SGCZ: variants seen among roughly 807,000 people sequenced by gnomAD.
SGCZ encodes the protein zeta-sarcoglycan.
A neutral mutation model predicts 41.3 loss-of-function variants in SGCZ; 40 were observed. The ratio of observed to expected loss-of-function variants is 0.97; its 90% CI spans 0.75 to 1.26. The LOEUF is 1.26. SGCZ is among the 50% of genes most tolerant of loss of function. SGCZ has a pLI of 0.00. For synonymous variants in SGCZ, 206 were observed against 137.5 expected (o/e 1.50, Z -3.49); for missense variants, 552 against 369.8 (o/e 1.49, Z -4.04).
chr8:14,812,099 A>C (rs1585282603), intron 1 of SGCZ, among the ~76,000 whole-genome samples: 1 of 152,028 alleles, frequency 6.6e-6, no homozygotes, highest in Non-Finnish European at 1.5e-5. Context: ...CAACTGAAAC[A>C]GTACAAATTT....
intron 1 of SGCZ, among the ~76,000 whole-genome samples, chr8:14,790,924 G>C (rs759568238): frequency 2.8e-4 from 42 of 151,522 alleles, no homozygotes; most frequent in Non-Finnish European, 5.4e-4. Flanking sequence ...CTACCCACTC[G>C]AGTGGTTAAG....
At chr8:14,317,663 C>A (rs1050381580) in intron 3 of SGCZ, among the ~76,000 whole-genome samples, 1 of 151,636 alleles carries the variant, frequency 6.6e-6, no homozygotes, top group Non-Finnish European at 1.5e-5. Flanking sequence ...CTGAACAACA[C>A]GAAAGAGGTT....
rs1805164830 is a variant in SGCZ, at chr8:14,895,499, TA to T, written c.40-340574del. On this transcript the variant is annotated intron_variant, in intron 1 of 7. Transcript: ENST00000382080. ...GTGATAAGAAATTCAAAGATGAGAT[TA>T]AAGCCTTATTATAACATTCCCCACT... Among the ~76,000 whole-genome samples, 3 of 152,242 alleles carry T rather than the reference TA, an allele frequency of 2.0e-5. No individual in the cohort carries two copies. The South Asian group carries it at 6.2e-4, about 32-fold the overall frequency.
chr8:14,545,113 G>T lies in SGCZ; in HGVS notation c.234+9619C>A, dbSNP rs565241710. On this transcript the variant is annotated intron_variant, in intron 2 of 7. Coordinates refer to ENST00000382080, the MANE Select transcript of SGCZ (RefSeq NM_139167.4). ...ACTGTCTCTCTTTATTTCTCAGCCGGCTGACACTTATGGAAAATAGAAAGA... is the reference window on the plus strand; with the variant it reads ...ACTGTCTCTCTTTATTTCTCAGCCGTCTGACACTTATGGAAAATAGAAAGA... 2.0e-5 allele frequency among the ~76,000 whole-genome samples: 3 copies of T among 152,132 alleles called. No homozygotes were observed. The South Asian group carries it at 6.2e-4, about 32-fold the overall frequency.
chr8:14,140,700 G>A, intron 5 of SGCZ, among the ~76,000 whole-genome samples: 1 of 152,152 alleles, frequency 6.6e-6, no homozygotes, highest in African/African-American at 2.4e-5. Context: ...AACATTCCAT[G>A]CTCATGGATA....
At chr8:14,907,827 C>T (rs1799164375) in intron 1 of SGCZ, among the ~76,000 whole-genome samples, 1 of 152,132 alleles carries the variant, frequency 6.6e-6, no homozygotes. Flanking sequence ...CCTATTTCAA[C>T]CCTACTATTA....
intron 3 of SGCZ, among the ~76,000 whole-genome samples, chr8:14,257,037 G>T (rs1016170951): frequency 1.3e-5 from 2 of 152,034 alleles, no homozygotes; most frequent in East Asian, 3.9e-4. Context: ...AAGCTAGATT[G>T]AACAGGTTTC....
chr8:14,107,243 A>T lies in SGCZ; in HGVS notation c.620+920T>A, dbSNP rs28662043. On this transcript the variant is annotated intron_variant, in intron 6 of 7. Coordinates refer to ENST00000382080, the MANE Select transcript of SGCZ (RefSeq NM_139167.4). ...AAATAAAAATAAAAAAATAAATAAA[A>T]AAAAAAAACATCCACTGAGCAGTTT... is the stretch of plus-strand genomic sequence containing the variant. 3.1e-3 allele frequency among the ~76,000 whole-genome samples: 473 copies of T among 151,860 alleles called. 4 individuals are homozygous for T. Among genetic ancestry groups the T allele is most frequent in the African/African-American group, 9.4e-3 (388 of 41,434 alleles).
intron 1 of SGCZ, among the ~76,000 whole-genome samples, chr8:14,656,804 T>A (rs911009622): frequency 6.6e-6 from 1 of 151,980 alleles, no homozygotes; most frequent in African/African-American, 2.4e-5. Context: ...AAATTGTGTA[T>A]ACTAAGCCTT....
chr8:14,702,046 C>A (rs1441152154), intron 1 of SGCZ, among the ~76,000 whole-genome samples: 1 of 151,836 alleles, frequency 6.6e-6, no homozygotes, highest in Non-Finnish European at 1.5e-5. Context: ...CAGTCTCATT[C>A]AAAATTCTCC....
chr8:14,899,356 C>A (rs1043423678), intron 1 of SGCZ, among the ~76,000 whole-genome samples: 39 of 152,140 alleles, frequency 2.6e-4, no homozygotes, highest in Non-Finnish European at 5.1e-4. Flanking sequence ...ACTGTTAACA[C>A]ATGAAGATAC....
intron 1 of SGCZ, among the ~76,000 whole-genome samples, chr8:14,626,523 A>G (rs1274371757): frequency 6.6e-6 from 1 of 152,194 alleles, no homozygotes; most frequent in Non-Finnish European, 1.5e-5. Flanking sequence ...AACTTACTTG[A>G]AAATGGGGTC....
chr8:14,926,919 G>A (rs888068090), intron 1 of SGCZ, among the ~76,000 whole-genome samples: 8 of 152,060 alleles, frequency 5.3e-5, no homozygotes, highest in Non-Finnish European at 8.8e-5. Context: ...GATTACAGGC[G>A]TGAGTCACCA....
At chr8:14,762,173 T>A (rs1250152656) in intron 1 of SGCZ, among the ~76,000 whole-genome samples, 5 of 152,020 alleles carry the variant, frequency 3.3e-5, no homozygotes, top group Non-Finnish European at 1.5e-5. Flanking sequence ...TGAATATTCA[T>A]TTCTTTTGAG....
chr8:14,572,435 G>C (rs1804582438), intron 1 of SGCZ, among the ~76,000 whole-genome samples: 1 of 152,122 alleles, frequency 6.6e-6, no homozygotes, highest in Admixed American at 6.6e-5. Flanking sequence ...AATCAAATGA[G>C]ATTACCATGT....
At chr8:15,031,276 G>A (rs1346210227) in intron 1 of SGCZ, among the ~76,000 whole-genome samples, 2 of 152,114 alleles carry the variant, frequency 1.3e-5, no homozygotes, top group African/African-American at 4.8e-5. Context: ...TTAGTTATGG[G>A]TTGAAGCATT....
At chr8:15,065,309 C>T (rs1805088772) in intron 1 of SGCZ, among the ~76,000 whole-genome samples, 1 of 152,028 alleles carries the variant, frequency 6.6e-6, no homozygotes, top group African/African-American at 2.4e-5. Context: ...TTAGAAGATT[C>T]TTTCCATGTT....
At chr8:14,204,947 G>T (rs1805571365) in intron 4 of SGCZ, among the ~76,000 whole-genome samples, 2 of 152,006 alleles carry the variant, frequency 1.3e-5, no homozygotes, top group Admixed American at 1.3e-4. Context: ...AGCTTGCAGA[G>T]ATCCCATAAT....
In SGCZ at chr8:15,028,959, C is replaced by A. The variant is rs1484558555; in HGVS notation, c.39+208626G>T. Among the ~76,000 whole-genome samples, 3 of 151,978 alleles carry A rather than the reference C, an allele frequency of 2.0e-5. No homozygotes were observed. The East Asian group carries it at 5.8e-4, about 29-fold the overall frequency. On this transcript the variant is annotated intron_variant, in intron 1 of 7. Transcript: ENST00000382080. The stretch of plus-strand genomic sequence containing the variant: ...AGTTTTGTGAATGAATATAAATGTG[C>A]AAACAGAGAAAAACATTTTCCTGCA...
Sources: allele counts gnomAD v4.1 joint callset (sites outside exome capture counted in the v4.1 genomes callset), GRCh38; gene constraint gnomAD v4.1.1; transcripts MANE v1.5; gene names NCBI Gene and HGNC (gene_info 2026-07-23, HGNC 2026-07-21).